The following KMT2E variants were observed in gnomAD, a reference collection of about 807,000 sequenced individuals.
KMT2E encodes histone reader KMT2E.
KMT2E carries 30 observed loss-of-function variants against 184.6 expected under a neutral mutation model. That is an observed-to-expected ratio of 0.16 (90% CI 0.12 to 0.22). The LOEUF (loss-of-function observed/expected upper bound fraction) is 0.22. Among genes scored for constraint, KMT2E ranks in the 10% least tolerant of loss-of-function variants. KMT2E has a pLI of 1.00. For synonymous variants in KMT2E, 815 were observed against 776.5 expected, an observed-to-expected ratio of 1.05 and a Z score of -0.82; for missense variants, 2,023 against 2,237.4, an observed-to-expected ratio of 0.90 and a Z score of 1.93.
chr7:105,054,458 G>GTCTGTCTATCTA (rs1368282619), intron 3 of KMT2E, among the ~76,000 whole-genome samples: 8 of 136,544 alleles, frequency 5.9e-5, no homozygotes, highest in East Asian at 5.1e-4. Context: ...CTGTCTGTCT[G>GTCTGTCTATCTA]TCTATCTATC....
Position 105,074,717 on chromosome 7 carries a change from A to G in KMT2E, c.631A>G (p.Thr211Ala). The G allele has an allele frequency of 6.2e-7, 1 of 1,611,544 alleles. No individual in the cohort carries two copies. Among genetic ancestry groups the G allele is most frequent in the Non-Finnish European group, 8.5e-7 (1 of 1,178,878 alleles). The change falls in exon 8 of 27, where the codon ACA becomes GCA. Residue 211 changes from threonine to alanine, a missense_variant. Transcript: ENST00000311117. ...ELYTAFQHTP[T>A]SITLTASRVS... ...ATATACTGCATTTCAGCATACTCCA[A>G]CATCAATTACTTTAACTGCTTCAAG... is the stretch of plus-strand genomic sequence containing the variant.
At chr7:105,039,998 TA>T (rs57582001) in intron 2 of KMT2E, among the ~76,000 whole-genome samples, 1,602 of 151,668 alleles carry the variant, frequency 0.011, 20 homozygotes, top group African/African-American at 0.037. Context: ...TAAATTTGTT[TA>T]AAAAAAAACT....
chr7:105,023,451 T>TA (rs1206791299), intron 1 of KMT2E, among the ~76,000 whole-genome samples: 9 of 149,134 alleles, frequency 6.0e-5, no homozygotes, highest in African/African-American at 2.2e-4. Flanking sequence ...AAGCAATTTT[T>TA]TTTTTTTTTT....
At chr7:105,108,768 C>T in intron 22 of KMT2E, 174 bp from the exon 23 acceptor site, 1 of 601,412 alleles carries the variant, frequency 1.7e-6, no homozygotes, top group Non-Finnish European at 2.9e-6. Flanking sequence ...CATCTAAGTA[C>T]AATGCCTGGA....
At chr7:105,085,309 G>A (rs1207540722) in intron 13 of KMT2E, among the ~76,000 whole-genome samples, 1 of 152,212 alleles carries the variant, frequency 6.6e-6, no homozygotes, top group Non-Finnish European at 1.5e-5. Flanking sequence ...GGCACACTGG[G>A]AGGCTGAGGC....
At chr7:105,100,955 A>G (rs979789959) in intron 15 of KMT2E, among the ~76,000 whole-genome samples, 2 of 152,194 alleles carry the variant, frequency 1.3e-5, no homozygotes, top group Non-Finnish European at 2.9e-5. Flanking sequence ...TGAGAATCAT[A>G]ATTTTTAAAT....
chr7:105,074,950 A>G (rs1037171296), intron 8 of KMT2E, 135 bp downstream of exon 8: 5 of 623,502 alleles, frequency 8.0e-6, no homozygotes, highest in Middle Eastern at 3.7e-4. Flanking sequence ...TTTTTAAACA[A>G]TTAAACTTAC....
At position 105,095,687 on chromosome 7, in the gene KMT2E, T is replaced by TAA. The variant is rs1191309272; in HGVS notation, c.1722+4374_1722+4375dup. 3.3e-5 allele frequency among the ~76,000 whole-genome samples: 5 copies of TAA among 152,316 alleles called. No individual in the cohort carries two copies. In the South Asian group the frequency reaches 1.0e-3, roughly 32 times the overall value. On this transcript the variant is annotated intron_variant, in intron 15 of 26. Coordinates refer to ENST00000311117, the MANE Select transcript of KMT2E (RefSeq NM_182931.3). ...GCTTTTACAAAAGCAAATTTGTGGCTAAGTTATGTGGAACTGCATGGTTAT... is the reference window on the plus strand; with the variant it reads ...GCTTTTACAAAAGCAAATTTGTGGCTAAAAGTTATGTGGAACTGCATGGTTAT...
intron 13 of KMT2E, among the ~76,000 whole-genome samples, chr7:105,084,175 A>G (rs1439068981): frequency 2.0e-5 from 3 of 152,280 alleles, no homozygotes; most frequent in South Asian, 2.1e-4. Flanking sequence ...GGATTCATTT[A>G]TCTTGAGATG....
intron 6 of KMT2E, among the ~76,000 whole-genome samples, chr7:105,068,174 A>C (rs1362800209): frequency 6.6e-6 from 1 of 152,058 alleles, no homozygotes; most frequent in Non-Finnish European, 1.5e-5. Context: ...TGCCAGTTGT[A>C]TTCCCATGAT....
intron 1 of KMT2E, among the ~76,000 whole-genome samples, chr7:105,023,975 G>T (rs1171167980): frequency 6.6e-6 from 1 of 152,036 alleles, no homozygotes; most frequent in African/African-American, 2.4e-5. Context: ...AGAAGGACAA[G>T]TAAAGGAAAA....
chr7:105,104,840 TA>T (rs1316166487), intron 17 of KMT2E: 6 of 152,100 alleles, frequency 3.9e-5, no homozygotes, highest in Non-Finnish European at 5.9e-5. Context: ...GTGTGTTTAA[TA>T]AAATGGTACT....
At chr7:105,031,832 G>C (rs1423927488) in intron 1 of KMT2E, among the ~76,000 whole-genome samples, 1 of 151,774 alleles carries the variant, frequency 6.6e-6, no homozygotes, top group Non-Finnish European at 1.5e-5. Flanking sequence ...CACTTTGGGA[G>C]GCCAAGGTGG....
In KMT2E at chr7:105,027,658, G is replaced by C. The variant is rs190714152; in HGVS notation, c.-188-10468G>C. Among the ~76,000 whole-genome samples, 228 of 152,136 alleles carry C rather than the reference G, an allele frequency of 1.5e-3. 1 individual carries two copies. The highest frequency in any genetic ancestry group is 5.3e-3 in the African/African-American group (218 of 41,510). On this transcript the variant is annotated intron_variant, in intron 1 of 26. Coordinates refer to ENST00000311117, the MANE Select transcript of KMT2E (RefSeq NM_182931.3). ...TCAACTCTCTAGTTGTATTATACTAGTCTTCCCATTTCCGGGTTTTTGTTT... is the reference window on the plus strand; with the variant it reads ...TCAACTCTCTAGTTGTATTATACTACTCTTCCCATTTCCGGGTTTTTGTTT...
intron 15 of KMT2E, among the ~76,000 whole-genome samples, chr7:105,095,903 C>G (rs1440999695): frequency 6.6e-6 from 1 of 152,034 alleles, no homozygotes; most frequent in African/African-American, 2.4e-5. Context: ...GGGGGGTATA[C>G]CTGTAGCTTA....
At chr7:105,035,245 G>A (rs1410563559) in intron 1 of KMT2E, among the ~76,000 whole-genome samples, 1 of 151,502 alleles carries the variant, frequency 6.6e-6, no homozygotes, top group Admixed American at 6.6e-5. Context: ...TGTTAGCCAG[G>A]ATGGTCTCGA....
chr7:105,033,741 C>T (rs540212688), intron 1 of KMT2E, among the ~76,000 whole-genome samples: 9 of 152,124 alleles, frequency 5.9e-5, no homozygotes, highest in South Asian at 4.2e-4. Context: ...CCTCGTGATC[C>T]GCCTGCCTCG....
rs753327949 is a variant in KMT2E, at chr7:105,106,780, A to G, written c.2847+8A>G. 2 of 1,607,108 alleles carry G rather than the reference A, an allele frequency of 1.2e-6. No individual in the cohort carries two copies. The highest frequency in any genetic ancestry group is 2.7e-5 in the African/African-American group (2 of 74,506). ...AATACCATGCACTTTGAGGTGAGAA[A>G]TTTTAATGGAGAAAAAAAAATTCAA... On this transcript the variant is annotated splice_region_variant and intron_variant, in intron 20 of 26. Coordinates refer to ENST00000311117, the MANE Select transcript of KMT2E (RefSeq NM_182931.3).
chr7:105,106,721 ACCAGTTACC>A lies in KMT2E; in HGVS notation c.2802_2810del (p.Val937_Pro939del). Reference sequence around the variant, plus strand: ...GAAATGGTTATAAACCCATATATTCACCAGTTACCCCAGTAACTCCTGGTACACCAGGAA... The same window carrying A: ...GAAATGGTTATAAACCCATATATTCACCAGTAACTCCTGGTACACCAGGAA... On this transcript the variant is annotated inframe_deletion, in exon 20 of 27. Coordinates refer to ENST00000311117, the MANE Select transcript of KMT2E (RefSeq NM_182931.3). The A allele has an allele frequency of 1.2e-6, 2 of 1,613,872 alleles. No individual in the cohort carries two copies. Among genetic ancestry groups the A allele is most frequent in the Non-Finnish European group, 1.7e-6 (2 of 1,179,836 alleles).
Sources: gnomAD v4.1 joint callset for allele counts (sites outside exome capture counted in the v4.1 genomes callset) on GRCh38, gnomAD v4.1.1 for gene constraint, MANE v1.5 for transcripts, NCBI Gene and HGNC (gene_info 2026-07-23, HGNC 2026-07-21) for gene names.